Variants in PCDH15 observed in about 807,000 individuals in gnomAD.
The protein encoded by PCDH15 is protocadherin related 15, also known as protocadherin-15.
In PCDH15, 129 loss-of-function variants were observed where a neutral mutation model predicts 178.5. The ratio of observed to expected loss-of-function variants is 0.72; its 90% CI spans 0.63 to 0.84. The LOEUF (loss-of-function observed/expected upper bound fraction) is 0.84. Among genes scored for constraint, PCDH15 ranks in the 40% least tolerant of loss-of-function variants. The pLI is 0.00. For synonymous variants in PCDH15, 800 were observed against 732.0 expected (o/e 1.09, Z -1.50); for missense variants, 2,230 against 2,099.9 (o/e 1.06, Z -1.21).
intron 2 of PCDH15, among the ~76,000 whole-genome samples, chr10:55,607,462 A>G (rs201579434): frequency 0.17 from 16,926 of 101,282 alleles, 1,070 homozygotes; most frequent in Middle Eastern, 0.24. Flanking sequence ...TGTTTATTGC[A>G]GCATTATTCA....
At chr10:55,123,766 T>C (rs982747002) in intron 2 of PCDH15, among the ~76,000 whole-genome samples, 2 of 152,172 alleles carry the variant, frequency 1.3e-5, no homozygotes, top group Non-Finnish European at 2.9e-5. Flanking sequence ...ACTTCCTCTC[T>C]GGGAAAATTG....
intron 2 of PCDH15, among the ~76,000 whole-genome samples, chr10:54,554,927 A>G (rs543960906): frequency 6.6e-6 from 1 of 152,232 alleles, no homozygotes; most frequent in Non-Finnish European, 1.5e-5. Context: ...CAATTTATCA[A>G]GTATCAGAGG....
At chr10:55,458,379 T>C (rs557916772) in intron 2 of PCDH15, among the ~76,000 whole-genome samples, 2 of 152,188 alleles carry the variant, frequency 1.3e-5, no homozygotes, top group Admixed American at 1.3e-4. Context: ...CAGATTTGTT[T>C]CTTCTGTACA....
At chr10:53,972,846 C>G (rs1272245474) in intron 21 of PCDH15, among the ~76,000 whole-genome samples, 9 of 152,100 alleles carry the variant, frequency 5.9e-5, no homozygotes, top group African/African-American at 1.4e-4. Context: ...GTTGGTGGGA[C>G]AGTAAACTAG....
At chr10:55,011,726 T>C (rs1196776075) in intron 2 of PCDH15, among the ~76,000 whole-genome samples, 1 of 151,774 alleles carries the variant, frequency 6.6e-6, no homozygotes, top group Non-Finnish European at 1.5e-5. Context: ...ATGATGTCAA[T>C]AAGAGGAGTG....
At chr10:54,753,975 ATTTTT>A (rs60529059) in intron 1 of PCDH15, among the ~76,000 whole-genome samples, 1 of 139,560 alleles carries the variant, frequency 7.2e-6, no homozygotes, top group Non-Finnish European at 1.5e-5. Flanking sequence ...CGGCCGGCTG[ATTTTT>A]TTTTTTTATT....
At chr10:54,149,614 C>T (rs1430665121) in intron 14 of PCDH15, among the ~76,000 whole-genome samples, 1 of 152,100 alleles carries the variant, frequency 6.6e-6, no homozygotes, top group African/African-American at 2.4e-5. Context: ...GTAGTGATAG[C>T]TGACAAATTT....
At chr10:55,165,438 T>C (rs1167821864) in intron 2 of PCDH15, among the ~76,000 whole-genome samples, 1 of 151,940 alleles carries the variant, frequency 6.6e-6, no homozygotes, top group Non-Finnish European at 1.5e-5. Flanking sequence ...ATTTAAAATA[T>C]AATTTATTAT....
intron 1 of PCDH15, among the ~76,000 whole-genome samples, chr10:55,315,335 G>A (rs947735380): frequency 9.2e-5 from 14 of 152,000 alleles, no homozygotes; most frequent in Non-Finnish European, 1.3e-4. Context: ...GCAACAACAC[G>A]GAAAAGGGTG....
chr10:54,228,121 C>T (rs1034410712), intron 9 of PCDH15, among the ~76,000 whole-genome samples: 1 of 152,144 alleles, frequency 6.6e-6, no homozygotes, highest in Non-Finnish European at 1.5e-5. Context: ...TCAGCAACAC[C>T]CCACTCCTGT....
At chr10:55,600,418 C>T (rs897378814) in intron 2 of PCDH15, among the ~76,000 whole-genome samples, 31 of 151,820 alleles carry the variant, frequency 2.0e-4, no homozygotes, top group South Asian at 6.2e-4. Flanking sequence ...ACCTCCGAAA[C>T]GACTTAAACT....
At chr10:54,840,524 G>A (rs1047521367) in intron 3 of PCDH15, among the ~76,000 whole-genome samples, 1 of 151,530 alleles carries the variant, frequency 6.6e-6, no homozygotes, top group Admixed American at 6.6e-5. Context: ...AGGAGAAAAA[G>A]AAAGGAACAA....
In PCDH15 at chr10:54,659,767, A is replaced by T. The variant is rs77020521; in HGVS notation, c.91+4405T>A. Among the ~76,000 whole-genome samples, 255 of 149,978 alleles carry T rather than the reference A, an allele frequency of 1.7e-3. 2 individuals carry two copies. The highest frequency in any genetic ancestry group is 6.9e-3 in the Middle Eastern group (2 of 290). On this transcript the variant is annotated intron_variant, in intron 2 of 37. Coordinates refer to ENST00000644397, the MANE Select transcript of PCDH15 (RefSeq NM_001384140.1). ...AGACCCTGTCTCAAAAAAAAAAAAA[A>T]ATACATATCAGGAGAAACTCTCAAA... is the stretch of plus-strand genomic sequence containing the variant.
chr10:54,985,576 G>A (rs1922141), intron 2 of PCDH15, among the ~76,000 whole-genome samples: 54,839 of 151,944 alleles, frequency 0.36, 11,958 homozygotes, highest in African/African-American at 0.61. Flanking sequence ...CTGGCAACAC[G>A]TTACACCATA....
chr10:55,579,656 GA>G (rs1033895917), intron 2 of PCDH15, among the ~76,000 whole-genome samples: 1 of 151,776 alleles, frequency 6.6e-6, no homozygotes, highest in East Asian at 1.9e-4. Context: ...TAAGATCTCA[GA>G]AAAAAAAGAT....
chr10:54,042,287 C>A (rs996862860), intron 18 of PCDH15, among the ~76,000 whole-genome samples: 6 of 152,130 alleles, frequency 3.9e-5, no homozygotes, highest in Non-Finnish European at 7.4e-5. Context: ...AGATCATTTG[C>A]CCAAGTCAAT....
intron 2 of PCDH15, among the ~76,000 whole-genome samples, chr10:55,011,246 G>C (rs1414360173): frequency 2.0e-5 from 3 of 151,998 alleles, no homozygotes; most frequent in Non-Finnish European, 2.9e-5. Context: ...TGGAGAAATT[G>C]CCAGAAAATA....
intron 2 of PCDH15, among the ~76,000 whole-genome samples, chr10:54,965,707 C>T (rs1032756318): frequency 6.7e-6 from 1 of 149,276 alleles, no homozygotes; most frequent in Non-Finnish European, 1.5e-5. Flanking sequence ...ATAAGAAAAC[C>T]ACATTTAATT....
chr10:54,467,601 G>GTTTTTTTTTTTTTTTTTT (rs67776985), intron 3 of PCDH15, among the ~76,000 whole-genome samples: 5 of 45,698 alleles, frequency 1.1e-4, no homozygotes, highest in Admixed American at 3.2e-4. Flanking sequence ...TCAAGCTGTA[G>GTTTTTTTTTTTTTTTTTT]TTTTTTTTTT....
Sources: gnomAD v4.1 joint callset for allele counts (sites outside exome capture counted in the v4.1 genomes callset) on GRCh38, gnomAD v4.1.1 for gene constraint, MANE v1.5 for transcripts, NCBI Gene and HGNC (gene_info 2026-07-23, HGNC 2026-07-21) for gene names.